The following FNIP1 variants were observed in gnomAD, a reference collection of about 807,000 sequenced individuals.
FNIP1 encodes the protein folliculin interacting protein 1.
Under a neutral mutation model 124.5 loss-of-function variants are expected in FNIP1, and 40 were observed. The ratio of observed to expected loss-of-function variants is 0.32; its 90% confidence interval spans 0.25 to 0.42. The LOEUF (loss-of-function observed/expected upper bound fraction) is 0.42, where lower values mean the gene tolerates loss of function less well. Among genes scored for constraint, FNIP1 ranks in the 10% least tolerant of loss-of-function variants. The pLI, the probability that FNIP1 is intolerant of heterozygous loss-of-function variation, is 1.00. For synonymous variants in FNIP1, 472 were observed against 470.6 expected (o/e 1.00, Z -0.04); for missense variants, 1,176 against 1,403.7 (o/e 0.84, Z 2.59).
At chr5:131,729,666 C>G (rs1463578242) in intron 3 of FNIP1, among the ~76,000 whole-genome samples, 1 of 152,162 alleles carries the variant, frequency 6.6e-6, no homozygotes, top group African/African-American at 2.4e-5. Context: ...CATCCTAGAA[C>G]TTCTGGGCTC....
intron 2 of FNIP1, among the ~76,000 whole-genome samples, chr5:131,743,836 G>A (rs1401317932): frequency 6.6e-6 from 1 of 152,030 alleles, no homozygotes; most frequent in Non-Finnish European, 1.5e-5. Context: ...CTTGTTTAAG[G>A]CACCCAGTCT....
intron 8 of FNIP1, among the ~76,000 whole-genome samples, chr5:131,708,387 A>G (rs952159157): frequency 1.3e-5 from 2 of 152,224 alleles, no homozygotes; most frequent in African/African-American, 4.8e-5. Flanking sequence ...TCTAACAGTA[A>G]TTCAAGCCTA....
At chr5:131,695,653 C>A (rs750089436) in intron 11 of FNIP1, among the ~76,000 whole-genome samples, 1 of 152,086 alleles carries the variant, frequency 6.6e-6, no homozygotes, top group Non-Finnish European at 1.5e-5. Context: ...CGAGGCCTGG[C>A]AGGAATAAAA....
In FNIP1 at chr5:131,710,665, C is replaced by G. The variant is rs368476627; in HGVS notation, c.623-4G>C. 5 of 1,612,988 alleles carry G rather than the reference C, an allele frequency of 3.1e-6. No individual in the cohort carries two copies. The highest frequency in any genetic ancestry group is 4.2e-6 in the Non-Finnish European group (5 of 1,179,652). On this transcript the variant is annotated splice_polypyrimidine_tract_variant and splice_region_variant and intron_variant, in intron 6 of 17. Coordinates refer to ENST00000510461, the MANE Select transcript of FNIP1 (RefSeq NM_133372.3). ...GGGCTGCAGAACTGTGAAAGACCTA[C>G]ATGGCAAAAACGTAAAATACACATG...
intron 15 of FNIP1, among the ~76,000 whole-genome samples, chr5:131,667,387 A>G (rs1407780640): frequency 6.6e-6 from 1 of 152,198 alleles, no homozygotes; most frequent in Non-Finnish European, 1.5e-5. Flanking sequence ...AGTTTTTCTC[A>G]CAAATTGTTT....
intron 2 of FNIP1, among the ~76,000 whole-genome samples, chr5:131,739,705 C>T (rs1196249924): frequency 2.1e-5 from 3 of 144,828 alleles, no homozygotes; most frequent in African/African-American, 5.1e-5. Flanking sequence ...CCCAGCTACT[C>T]GGGAGGCTGA....
intron 1 of FNIP1, among the ~76,000 whole-genome samples, chr5:131,745,976 C>T (rs941511546): frequency 2.0e-5 from 3 of 152,130 alleles, no homozygotes; most frequent in Admixed American, 6.5e-5. Context: ...GGTGAACTGG[C>T]GCAATGACTA....
intron 3 of FNIP1, among the ~76,000 whole-genome samples, chr5:131,720,504 A>C (rs1769622264): frequency 6.6e-6 from 1 of 152,236 alleles, no homozygotes; most frequent in African/African-American, 2.4e-5. Context: ...GGACTACATC[A>C]AACTAAAATG....
intron 3 of FNIP1, among the ~76,000 whole-genome samples, chr5:131,727,649 T>C (rs1289645628): frequency 6.6e-6 from 1 of 152,222 alleles, no homozygotes; most frequent in African/African-American, 2.4e-5. Context: ...AGTCTGTGTC[T>C]CTTAACAGGG....
chr5:131,727,564 T>C (rs1015785833), intron 3 of FNIP1, among the ~76,000 whole-genome samples: 4 of 152,334 alleles, frequency 2.6e-5, no homozygotes, highest in Middle Eastern at 3.4e-3. Context: ...TTTGAGCCTA[T>C]GTGTATCTTT....
chr5:131,688,702 T>TAAAA (rs61408307), intron 11 of FNIP1, among the ~76,000 whole-genome samples: 4 of 130,244 alleles, frequency 3.1e-5, no homozygotes, highest in Non-Finnish European at 4.8e-5. Flanking sequence ...TGCTAGCAAT[T>TAAAA]AAAAAAAAAA....
chr5:131,748,986 T>C (rs1192345786), intron 1 of FNIP1, among the ~76,000 whole-genome samples: 4 of 152,120 alleles, frequency 2.6e-5, no homozygotes, highest in Admixed American at 2.6e-4. Context: ...ATGGTGTGTT[T>C]GTGTCTCAGT....
chr5:131,693,316 ACAC>A (rs1768556335), intron 11 of FNIP1, among the ~76,000 whole-genome samples: 1 of 17,768 alleles, frequency 5.6e-5, no homozygotes, highest in Non-Finnish European at 1.5e-4. Context: ...ATATATATAT[ACAC>A]ATATATATAT....
intron 6 of FNIP1, among the ~76,000 whole-genome samples, chr5:131,716,207 G>A (rs568061305): frequency 6.6e-6 from 1 of 152,306 alleles, no homozygotes; most frequent in South Asian, 2.1e-4. Context: ...ACAGAAGGAA[G>A]AAGGTGTAAT....
At chr5:131,717,497 CT>C (rs1358998578) in intron 5 of FNIP1, among the ~76,000 whole-genome samples, 2 of 152,180 alleles carry the variant, frequency 1.3e-5, no homozygotes, top group Middle Eastern at 3.4e-3. Context: ...AAGGTTTCCC[CT>C]CATATTTTAG....
At chr5:131,709,826 T>C (rs931822352) in intron 7 of FNIP1, among the ~76,000 whole-genome samples, 1 of 152,174 alleles carries the variant, frequency 6.6e-6, no homozygotes, top group African/African-American at 2.4e-5. Flanking sequence ...CAAATATATA[T>C]TTTTTATATC....
chr5:131,718,125 G>A (rs922710512), intron 5 of FNIP1, among the ~76,000 whole-genome samples: 2 of 151,584 alleles, frequency 1.3e-5, no homozygotes, highest in African/African-American at 2.4e-5. Flanking sequence ...CCAGGACAGA[G>A]GTTGCAGTGA....
chr5:131,755,132 G>A (rs1771003342), intron 1 of FNIP1, among the ~76,000 whole-genome samples: 1 of 152,064 alleles, frequency 6.6e-6, no homozygotes, highest in African/African-American at 2.4e-5. Flanking sequence ...ATGAAAAATG[G>A]TCTGGTGGCC....
intron 1 of FNIP1, among the ~76,000 whole-genome samples, chr5:131,781,587 G>A (rs1225777499): frequency 1.3e-5 from 2 of 152,158 alleles, no homozygotes; most frequent in African/African-American, 2.4e-5. Context: ...AACAAAGTCT[G>A]GATGACAGCA....
Sources: gnomAD v4.1 joint callset for allele counts (sites outside exome capture counted in the v4.1 genomes callset) on GRCh38, gnomAD v4.1.1 for gene constraint, MANE v1.5 for transcripts, NCBI Gene and HGNC (gene_info 2026-07-23, HGNC 2026-07-21) for gene names.